CCT3: variants seen among roughly 807,000 people sequenced by gnomAD.
CCT3 encodes chaperonin containing TCP1 subunit 3.
A neutral mutation model predicts 65.3 loss-of-function variants in CCT3; 10 were observed. That is an observed-to-expected ratio of 0.15 (90% CI 0.09 to 0.26). The LOEUF (loss-of-function observed/expected upper bound fraction) is 0.26. Ranked by LOEUF, CCT3 falls within the 10% of genes least tolerant of loss-of-function variation. The pLI, the probability that CCT3 is intolerant of heterozygous loss-of-function variation, is 1.00. For synonymous variants in CCT3, 225 were observed against 242.3 expected, an observed-to-expected ratio of 0.93 and a Z score of 0.66; for missense variants, 626 against 708.7, an observed-to-expected ratio of 0.88 and a Z score of 1.33.
intron 5 of CCT3, chr1:156,332,671 T>A (rs1039494728): frequency 6.6e-6 from 1 of 152,214 alleles, no homozygotes; most frequent in Non-Finnish European, 1.5e-5. Flanking sequence ...AAGGTTATGT[T>A]TTTCACATTT....
In CCT3 at chr1:156,317,218, T is replaced by C. The variant is rs749308470; in HGVS notation, c.922A>G (p.Asn308Asp). The C allele has an allele frequency of 6.2e-6, 10 of 1,614,080 alleles. No homozygotes were observed. The highest frequency in any genetic ancestry group is 5.5e-5 in the South Asian group (5 of 91,088). ...DLAQHYLMRANITAIRRVRKT... is the reference protein window; with the variant it reads ...DLAQHYLMRADITAIRRVRKT... ...CGGACTCTGCGGATGGCTGTGATAT[T>C]GGCCCGCATAAGGTAGTGCTGAGCT... The change falls in exon 10 of 14, where the codon AAT (asparagine) becomes GAT (aspartate). Residue 308 changes from asparagine (N) to aspartate (D), a missense_variant. Asn to Asp is a conservative substitution (Grantham distance 23, BLOSUM62 1). Transcript: ENST00000295688.
intron 6 of CCT3, among the ~76,000 whole-genome samples, chr1:156,324,343 G>A (rs180769196): frequency 2.6e-5 from 4 of 152,230 alleles, no homozygotes; most frequent in African/African-American, 4.8e-5. Context: ...GATTACAGGC[G>A]TGAGCCACCG....
Position 156,316,520 on chromosome 1 carries a change from G to A in CCT3, c.974+646C>T, listed in dbSNP as rs538543028. Among the ~76,000 whole-genome samples the A allele has an allele frequency of 2.6e-5, 4 of 152,330 alleles. No homozygotes were observed. In the South Asian group the frequency reaches 8.3e-4, roughly 32 times the overall value. On this transcript the variant is annotated intron_variant, in intron 10 of 13. Transcript: ENST00000295688. The stretch of plus-strand genomic sequence containing the variant: ...AGTATAAAATATGATTTGGATCTGT[G>A]ATATATTATGTTGGGGTAGATTTGT...
intron 6 of CCT3, among the ~76,000 whole-genome samples, chr1:156,323,072 C>G (rs1664633685): frequency 6.6e-6 from 1 of 152,006 alleles, no homozygotes; most frequent in Non-Finnish European, 1.5e-5. Context: ...TTCGGGAGGT[C>G]AAGGTGGGTG....
At chr1:156,327,227 G>A (rs551690168) in intron 5 of CCT3, among the ~76,000 whole-genome samples, 5 of 152,210 alleles carry the variant, frequency 3.3e-5, no homozygotes, top group Non-Finnish European at 7.4e-5. Context: ...CCTGCTTACT[G>A]GCAGGTAAAA....
chr1:156,331,555 T>C (rs996555706), intron 5 of CCT3, among the ~76,000 whole-genome samples: 1 of 150,210 alleles, frequency 6.7e-6, no homozygotes, highest in South Asian at 2.1e-4. Flanking sequence ...TGGTGGCGCA[T>C]GCCTGTAATC....
intron 10 of CCT3, 41 bp downstream of exon 10, chr1:156,317,123 AAC>A: frequency 6.6e-7 from 1 of 1,513,670 alleles, no homozygotes; most frequent in East Asian, 2.3e-5. Flanking sequence ...ACAAAAAGGA[AAC>A]ACACGGGAAG....
At chr1:156,338,058 GC>G in intron 1 of CCT3, 95 bp downstream of exon 1, 1 of 1,334,080 alleles carries the variant, frequency 7.5e-7, no homozygotes, top group East Asian at 2.5e-5. Context: ...AGGCTCAGTG[GC>G]CCGGTCAGTG....
At chr1:156,320,641 AG>A (rs1664509727) in intron 7 of CCT3, among the ~76,000 whole-genome samples, 197 bp downstream of exon 7, 1 of 152,020 alleles carries the variant, frequency 6.6e-6, no homozygotes, top group Admixed American at 6.6e-5. Context: ...AGCAAATCAG[AG>A]GATTTGCTTG....
intron 5 of CCT3, among the ~76,000 whole-genome samples, chr1:156,330,479 C>A (rs1393853862): frequency 6.6e-6 from 1 of 151,890 alleles, no homozygotes; most frequent in Non-Finnish European, 1.5e-5. Context: ...GCCTGGCCAA[C>A]ATGGTGAAAC....
intron 13 of CCT3, 64 bp downstream of exon 13, chr1:156,310,494 A>C: frequency 7.8e-7 from 1 of 1,279,794 alleles, no homozygotes; most frequent in Non-Finnish European, 1.0e-6. Context: ...CGTCTCAAAA[A>C]TAAATAAATA....
intron 5 of CCT3, 52 bp downstream of exon 5, chr1:156,333,495 A>T (rs1665200355): frequency 8.0e-7 from 1 of 1,254,294 alleles, no homozygotes; most frequent in African/African-American, 1.5e-5. Context: ...TTAAAATATG[A>T]CACAGGTGTT....
At chr1:156,337,281 G>A (rs1558276674) in intron 1 of CCT3, 3 of 316,224 alleles carry the variant, frequency 9.5e-6, no homozygotes, top group East Asian at 1.4e-4. Flanking sequence ...GGTGGCGCGC[G>A]CCTGTACTCC....
At chr1:156,310,803 C>T (rs1558263182) in intron 12 of CCT3, 114 bp from the exon 13 acceptor site, 1 of 1,449,992 alleles carries the variant, frequency 6.9e-7, no homozygotes, top group Non-Finnish European at 9.5e-7. Flanking sequence ...ATGGCAATGA[C>T]AGCAAACAAG....
intron 13 of CCT3, among the ~76,000 whole-genome samples, chr1:156,309,567 C>T (rs890276189): frequency 2.0e-5 from 3 of 151,932 alleles, no homozygotes; most frequent in African/African-American, 7.2e-5. Context: ...GCTGGGATTA[C>T]AGGCCTGCAC....
At position 156,324,941 on chromosome 1, in the gene CCT3, T is replaced by C. The variant is rs570011273; in HGVS notation, c.422+31A>G. On this transcript the variant is annotated intron_variant, in intron 6 of 13. Transcript: ENST00000295688. The stretch of plus-strand genomic sequence containing the variant: ...CACGTCTAGCCAGGCCTCTCATATT[T>C]GATACTACCTATTTCTTGCCCCCAA... The C allele has an allele frequency of 2.1e-6, 3 of 1,432,114 alleles. No homozygotes were observed. In the African/African-American group the frequency reaches 4.2e-5, roughly 20 times the overall value. 88.7% of individuals were successfully genotyped at this position (1,432,114 alleles called of 1,614,324 possible).
intron 10 of CCT3, among the ~76,000 whole-genome samples, chr1:156,313,364 G>GAAAAAAAAAAAAAAAAAAAAAAAA: frequency 1.3e-5 from 1 of 79,216 alleles, no homozygotes; most frequent in Non-Finnish European, 2.4e-5. Flanking sequence ...AAAAAAAAAA[G>GAAAAAAAAAAAAAAAAAAAAAAAA]AGAGAGAGAG....
chr1:156,334,909 C>A lies in CCT3; in HGVS notation c.103G>T (p.Asp35Tyr). 6.2e-7 allele frequency: 1 copy of A among 1,613,982 alleles called. No homozygotes were observed. ...GGTCCCAAACATGTTCGGATGATAT[C>A]TGCAATAGTCTAATGGAAAGGGAAC... Reference protein sequence around the residue: ...GNINAAKTIADIIRTCLGPKS... With the variant: ...GNINAAKTIAYIIRTCLGPKS... Residue 35 changes from aspartate to tyrosine, a missense_variant, in exon 3 of 14, where the codon GAT becomes TAT. Transcript: ENST00000295688.
intron 4 of CCT3, 29 bp downstream of exon 4, chr1:156,334,684 A>G (rs1264763673): frequency 6.2e-7 from 1 of 1,607,958 alleles, no homozygotes. Context: ...GTCAGAAAGC[A>G]AAAAAACAAA....
Sources: gnomAD v4.1 joint callset for allele counts (sites outside exome capture counted in the v4.1 genomes callset) on GRCh38, gnomAD v4.1.1 for gene constraint, MANE v1.5 for transcripts, NCBI Gene and HGNC (gene_info 2026-07-23, HGNC 2026-07-21) for gene names.